KCNQ5: variants seen among roughly 807,000 people sequenced by gnomAD.
KCNQ5 encodes potassium voltage-gated channel subfamily Q member 5, also known as potassium voltage-gated channel subfamily KQT member 5.
KCNQ5 carries 30 observed loss-of-function variants against 98.2 expected under a neutral mutation model. The ratio of observed to expected loss-of-function variants is 0.31; its 90% CI spans 0.23 to 0.41. KCNQ5 has a LOEUF of 0.41. Ranked by LOEUF, KCNQ5 falls within the 10% of genes least tolerant of loss-of-function variation. KCNQ5 has a pLI of 1.00. For synonymous variants in KCNQ5, 458 were observed against 449.4 expected, an observed-to-expected ratio of 1.02 and a Z score of -0.24; for missense variants, 835 against 1,182.5, an observed-to-expected ratio of 0.71 and a Z score of 4.31.
At chr6:72,927,094 T>G (rs1437330939) in intron 1 of KCNQ5, among the ~76,000 whole-genome samples, 1 of 152,156 alleles carries the variant, frequency 6.6e-6, no homozygotes, top group Non-Finnish European at 1.5e-5. Flanking sequence ...TCACAAAACA[T>G]TGACACAAGG....
At chr6:72,861,977 T>C (rs1399195986) in intron 1 of KCNQ5, among the ~76,000 whole-genome samples, 1 of 152,200 alleles carries the variant, frequency 6.6e-6, no homozygotes, top group Non-Finnish European at 1.5e-5. Context: ...CTGCCAGTTT[T>C]CTCAGCCTAC....
chr6:72,655,024 CTG>C (rs1491586698), intron 1 of KCNQ5, among the ~76,000 whole-genome samples: 4 of 87,474 alleles, frequency 4.6e-5, no homozygotes, highest in African/African-American at 2.2e-4. Context: ...CAAGGTCTGT[CTG>C]TCTTTCTTTC....
At chr6:72,664,103 A>G (rs564463594) in intron 1 of KCNQ5, among the ~76,000 whole-genome samples, 58 of 152,346 alleles carry the variant, frequency 3.8e-4, no homozygotes, top group Non-Finnish European at 6.8e-4. Context: ...TTTAAACATT[A>G]TTCCAAAGTG....
chr6:73,158,116 G>C, intron 10 of KCNQ5: 1 of 420,568 alleles, frequency 2.4e-6, no homozygotes, highest in South Asian at 2.0e-5. Flanking sequence ...CGCCGCGCTC[G>C]CCCTCCCGCT....
Position 73,040,925 on chromosome 6 carries a change from T to A in KCNQ5, c.490-1011T>A, listed in dbSNP as rs192992380. On this transcript the variant is annotated intron_variant, in intron 2 of 13. Coordinates refer to ENST00000370398, the MANE Select transcript of KCNQ5 (RefSeq NM_019842.4). ...GAATGTTTACTTTCTCTGCTTTGTA[T>A]TTCTGTGATGTTTGGAAGTTTTAAT... Among the ~76,000 whole-genome samples the A allele has an allele frequency of 8.3e-3, 1,261 of 152,338 alleles. 6 individuals are homozygous for A. The highest frequency in any genetic ancestry group is 0.013 in the Non-Finnish European group (862 of 68,018).
intron 1 of KCNQ5, among the ~76,000 whole-genome samples, chr6:72,943,097 G>A (rs1766381674): frequency 6.6e-6 from 1 of 152,110 alleles, no homozygotes; most frequent in Non-Finnish European, 1.5e-5. Context: ...CTACTTAAAT[G>A]TAGCCTGCAC....
intron 1 of KCNQ5, among the ~76,000 whole-genome samples, chr6:72,647,831 G>T (rs1004030708): frequency 5.3e-5 from 8 of 152,132 alleles, no homozygotes; most frequent in Non-Finnish European, 1.0e-4. Flanking sequence ...GCTAATTTGG[G>T]TAGAAAAGTC....
At chr6:72,664,485 C>G (rs1296062978) in intron 1 of KCNQ5, among the ~76,000 whole-genome samples, 1 of 150,564 alleles carries the variant, frequency 6.6e-6, no homozygotes, top group East Asian at 1.9e-4. Context: ...AAAGCCCTGT[C>G]TCTACTAGAA....
intron 1 of KCNQ5, among the ~76,000 whole-genome samples, chr6:72,681,231 A>C (rs73535764): frequency 0.038 from 5,829 of 152,336 alleles, 126 homozygotes; most frequent in Middle Eastern, 0.13. Context: ...AGAATAAAGC[A>C]ACGGGGGCTT....
intron 1 of KCNQ5, among the ~76,000 whole-genome samples, chr6:72,882,774 T>A (rs1778685256): frequency 6.6e-6 from 1 of 152,170 alleles, no homozygotes; most frequent in African/African-American, 2.4e-5. Flanking sequence ...TCATATACAT[T>A]CTAGGAACGG....
intron 6 of KCNQ5, among the ~76,000 whole-genome samples, chr6:73,107,980 T>C (rs1343235351): frequency 6.6e-6 from 1 of 151,880 alleles, no homozygotes; most frequent in African/African-American, 2.4e-5. Flanking sequence ...ACCAAAAGAG[T>C]TGTCTGATTG....
intron 5 of KCNQ5, among the ~76,000 whole-genome samples, chr6:73,096,109 C>T (rs1339983618): frequency 6.6e-6 from 1 of 152,028 alleles, no homozygotes; most frequent in Non-Finnish European, 1.5e-5. Flanking sequence ...GGTCAAAGAT[C>T]CAAGAGTCCC....
At chr6:73,180,480 T>A (rs1778369378) in intron 11 of KCNQ5, among the ~76,000 whole-genome samples, 1 of 152,212 alleles carries the variant, frequency 6.6e-6, no homozygotes, top group South Asian at 2.1e-4. Context: ...CAAGGCACAC[T>A]AATGCCATGT....
chr6:72,871,836 T>C (rs1778219667), intron 1 of KCNQ5, among the ~76,000 whole-genome samples: 1 of 152,128 alleles, frequency 6.6e-6, no homozygotes, highest in Admixed American at 6.5e-5. Context: ...TCTATCAAAA[T>C]CTGAGATTGA....
chr6:73,110,916 T>G (rs551045894), intron 6 of KCNQ5, among the ~76,000 whole-genome samples: 23 of 152,310 alleles, frequency 1.5e-4, no homozygotes, highest in African/African-American at 5.5e-4. Flanking sequence ...ATTCATGTTC[T>G]CTACATTCCA....
intron 10 of KCNQ5, among the ~76,000 whole-genome samples, chr6:73,145,629 T>A (rs1316799816): frequency 6.6e-6 from 1 of 152,216 alleles, no homozygotes; most frequent in African/African-American, 2.4e-5. Flanking sequence ...TGTTACCATC[T>A]CTAGACAAGT....
intron 10 of KCNQ5, among the ~76,000 whole-genome samples, chr6:73,144,072 C>T (rs1291188818): frequency 2.0e-5 from 3 of 152,108 alleles, no homozygotes; most frequent in East Asian, 1.9e-4. Context: ...TATATTTAAT[C>T]GCTTTCATGG....
intron 3 of KCNQ5, 161 bp downstream of exon 3, chr6:73,042,223 T>C: frequency 1.3e-6 from 1 of 770,370 alleles, no homozygotes; most frequent in South Asian, 1.5e-5. Context: ...CATTTGATGT[T>C]GTCTCCACAG....
chr6:72,742,511 G>A (rs1048976069), intron 1 of KCNQ5, among the ~76,000 whole-genome samples: 2 of 152,130 alleles, frequency 1.3e-5, no homozygotes, highest in African/African-American at 2.4e-5. Flanking sequence ...AATAACCACA[G>A]TTCTCTAAGC....
Sources: allele counts gnomAD v4.1 joint callset (sites outside exome capture counted in the v4.1 genomes callset), GRCh38; gene constraint gnomAD v4.1.1; transcripts MANE v1.5; gene names NCBI Gene and HGNC (gene_info 2026-07-23, HGNC 2026-07-21).